The following EFCAB6 variants were observed in gnomAD, a reference collection of about 807,000 sequenced individuals.
EFCAB6 encodes EF-hand calcium binding domain 6, also known as EF-hand calcium-binding domain-containing protein 6.
In EFCAB6, 156 loss-of-function variants were observed where a neutral mutation model predicts 169.8. The observed-to-expected ratio is 0.92, with a 90% CI of 0.81 to 1.05. The LOEUF is 1.05. EFCAB6 is among the 50% of genes least tolerant of loss of function. The pLI, the probability that EFCAB6 is intolerant of heterozygous loss-of-function variation, is 0.00. For synonymous variants in EFCAB6, 698 were observed against 676.4 expected, an observed-to-expected ratio of 1.03 and a Z score of -0.50; for missense variants, 1,800 against 1,829.1, an observed-to-expected ratio of 0.98 and a Z score of 0.29.
chr22:43,746,140 G>A (rs375967081), intron 6 of EFCAB6, among the ~76,000 whole-genome samples: 43 of 152,296 alleles, frequency 2.8e-4, no homozygotes, highest in Non-Finnish European at 4.0e-4. Flanking sequence ...AGCGGGGGCC[G>A]GGCATCGCTC....
chr22:43,723,441 A>T (rs1001147714), intron 8 of EFCAB6, among the ~76,000 whole-genome samples: 1 of 152,158 alleles, frequency 6.6e-6, no homozygotes, highest in African/African-American at 2.4e-5. Context: ...TAAAAGTTGA[A>T]TTTTTTTAAA....
chr22:43,642,656 C>G (rs1018988882), intron 17 of EFCAB6, among the ~76,000 whole-genome samples: 4 of 152,204 alleles, frequency 2.6e-5, no homozygotes, highest in Non-Finnish European at 1.5e-5. Flanking sequence ...CTAATTTGTA[C>G]TTGAACGGAA....
intron 25 of EFCAB6, among the ~76,000 whole-genome samples, chr22:43,579,385 C>CGCAGGCATCATTCCCTACAT (rs2050525565): frequency 2.1e-5 from 3 of 145,242 alleles, no homozygotes; most frequent in Admixed American, 6.8e-5. Context: ...ATTCCCTACA[C>CGCAGGCATCATTCCCTACAT]GCAGGCATCA....
intron 3 of EFCAB6, among the ~76,000 whole-genome samples, chr22:43,778,005 C>G (rs2061694328): frequency 6.6e-6 from 1 of 152,064 alleles, no homozygotes; most frequent in Non-Finnish European, 1.5e-5. Flanking sequence ...ACAATGAGAA[C>G]AAGTAGGATA....
intron 1 of EFCAB6, among the ~76,000 whole-genome samples, chr22:43,810,362 C>T (rs1171638998): frequency 6.6e-6 from 1 of 152,062 alleles, no homozygotes; most frequent in Non-Finnish European, 1.5e-5. Flanking sequence ...ACAAATGGTA[C>T]CTGAAACAAA....
intron 23 of EFCAB6, among the ~76,000 whole-genome samples, chr22:43,599,632 G>A (rs6006724): frequency 6.8e-6 from 1 of 147,746 alleles, no homozygotes; most frequent in African/African-American, 2.5e-5. Flanking sequence ...CCTGAAAGTA[G>A]AAGTGTGAGT....
chr22:43,737,612 T>C (rs1229900577), intron 6 of EFCAB6, among the ~76,000 whole-genome samples: 8 of 138,228 alleles, frequency 5.8e-5, no homozygotes, highest in Non-Finnish European at 1.3e-4. Flanking sequence ...CACACATATA[T>C]TCACACACAC....
chr22:43,766,027 TTTTG>T (rs2061316283), intron 4 of EFCAB6, among the ~76,000 whole-genome samples: 1 of 152,088 alleles, frequency 6.6e-6, no homozygotes, highest in Non-Finnish European at 1.5e-5. Flanking sequence ...CTCAAGTGTT[TTTTG>T]TTTGTTTTTG....
chr22:43,633,930 G>A (rs779235930), intron 18 of EFCAB6, among the ~76,000 whole-genome samples: 1 of 152,204 alleles, frequency 6.6e-6, no homozygotes, highest in Non-Finnish European at 1.5e-5. Flanking sequence ...GGGCCACACA[G>A]GGCCTCACTC....
At chr22:43,717,071 G>A in intron 8 of EFCAB6, 99 bp from the exon 9 acceptor site, 1 of 1,351,096 alleles carries the variant, frequency 7.4e-7, no homozygotes, top group Non-Finnish European at 9.6e-7. Flanking sequence ...AAAAAAGGAA[G>A]GCTTGAATAA....
intron 2 of EFCAB6, among the ~76,000 whole-genome samples, chr22:43,800,412 C>T (rs554386223): frequency 6.6e-6 from 1 of 152,314 alleles, no homozygotes; most frequent in Admixed American, 6.5e-5. Flanking sequence ...GATGCAAAAA[C>T]ATAGATGTAC....
At chr22:43,772,723 G>A (rs938431423) in intron 4 of EFCAB6, among the ~76,000 whole-genome samples, 169 bp downstream of exon 4, 24 of 151,928 alleles carry the variant, frequency 1.6e-4, no homozygotes, top group Non-Finnish European at 2.9e-4. Context: ...CCGAGTAGCT[G>A]TTGATCGTGA....
chr22:43,530,913 G>A lies in EFCAB6; in HGVS notation c.4285C>T (p.Gln1429Ter). ...PSFYSALLRI[Q>*]PKIVHCWRPM... Reference sequence around the variant, plus strand: ...CTCCAGCAGTGCACAATTTTGGGCTGAATACGCAGCAGAGCAGAGTAAAAA... The same window carrying A: ...CTCCAGCAGTGCACAATTTTGGGCTAAATACGCAGCAGAGCAGAGTAAAAA... The change falls in exon 31 of 32, where the codon CAG becomes TAG. Residue 1429 changes from glutamine to a stop codon, truncating the protein, a stop_gained. Transcript: ENST00000262726. LOFTEE classifies it high-confidence loss of function. The A allele has an allele frequency of 6.2e-7, 1 of 1,614,250 alleles. No homozygotes were observed. The highest frequency in any genetic ancestry group is 8.5e-7 in the Non-Finnish European group (1 of 1,180,050).
intron 17 of EFCAB6, among the ~76,000 whole-genome samples, chr22:43,636,448 T>C (rs990367771): frequency 5.9e-4 from 90 of 152,194 alleles, no homozygotes; most frequent in African/African-American, 2.0e-3. Flanking sequence ...CTGTACAGGC[T>C]CCACACGGAT....
Position 43,789,620 on chromosome 22 carries a change from C to T in EFCAB6, c.-7-7295G>A, listed in dbSNP as rs577980720. ...CTACTGCAGCAGACCTAATGCTCAG[C>T]GGTCACGACACTGTTACATGCCTTC... On this transcript the variant is annotated intron_variant, in intron 2 of 31. Transcript: ENST00000262726. 8.5e-5 allele frequency among the ~76,000 whole-genome samples: 13 copies of T among 152,282 alleles called. No homozygotes were observed. In the East Asian group the frequency reaches 9.6e-4, roughly 11 times the overall value.
chr22:43,769,813 G>A (rs534323002), intron 4 of EFCAB6, among the ~76,000 whole-genome samples: 7 of 152,012 alleles, frequency 4.6e-5, no homozygotes, highest in East Asian at 1.9e-4. Context: ...TAGCGTGATC[G>A]TGGCTCACTG....
rs373097703 is a variant in EFCAB6, at chr22:43,597,648, TG to T, written c.2876+2420del. Among the ~76,000 whole-genome samples the T allele has an allele frequency of 1.3e-4, 20 of 152,316 alleles. No homozygotes were observed. The East Asian group carries it at 1.9e-3, about 15-fold the overall frequency. On this transcript the variant is annotated intron_variant, in intron 23 of 31. Transcript: ENST00000262726. ...AACACTCATCCACTGTTGGTGGTAA[TG>T]TACAGTACTGTGAAACACAGTACGG...
intron 13 of EFCAB6, among the ~76,000 whole-genome samples, chr22:43,675,280 ATAAT>A (rs1166344949): frequency 7.5e-6 from 1 of 134,124 alleles, no homozygotes; most frequent in Non-Finnish European, 1.6e-5. Flanking sequence ...ATGCTATAAT[ATAAT>A]TATTATATAG....
chr22:43,762,854 T>C (rs748300876), intron 5 of EFCAB6, among the ~76,000 whole-genome samples: 1 of 152,240 alleles, frequency 6.6e-6, no homozygotes, highest in Non-Finnish European at 1.5e-5. Context: ...CCAAGAACTT[T>C]ATCCATAAAA....
Sources: allele counts gnomAD v4.1 joint callset (sites outside exome capture counted in the v4.1 genomes callset), GRCh38; gene constraint gnomAD v4.1.1; transcripts MANE v1.5; gene names NCBI Gene and HGNC (gene_info 2026-07-23, HGNC 2026-07-21).